The following PRKCE variants were observed in gnomAD, a reference collection of about 807,000 sequenced individuals.
PRKCE encodes the protein protein kinase C epsilon type.
Under a neutral mutation model 85.4 loss-of-function variants are expected in PRKCE, and 16 were observed. The observed-to-expected ratio is 0.19, with a 90% CI of 0.13 to 0.28. The LOEUF is 0.28. PRKCE is among the 10% of genes least tolerant of loss of function. PRKCE has a pLI of 1.00. For synonymous variants in PRKCE, 388 were observed against 371.5 expected (o/e 1.04, Z -0.51); for missense variants, 573 against 975.2 (o/e 0.59, Z 5.49).
chr2:46,136,535 T>G (rs1290449297), intron 11 of PRKCE, among the ~76,000 whole-genome samples: 3 of 152,160 alleles, frequency 2.0e-5, no homozygotes, highest in African/African-American at 7.2e-5. Context: ...CTCCCTAGCC[T>G]TGTTTACTCA....
chr2:46,105,882 A>T (rs1671668641), intron 11 of PRKCE, among the ~76,000 whole-genome samples: 1 of 152,122 alleles, frequency 6.6e-6, no homozygotes, highest in Admixed American at 6.5e-5. Flanking sequence ...ATTCATTTAC[A>T]TTTTTCATGA....
At position 45,984,165 on chromosome 2, in the gene PRKCE, T is replaced by C. The variant is rs112758495; in HGVS notation, c.694-386T>C. On this transcript the variant is annotated intron_variant, in intron 5 of 14. Transcript: ENST00000306156. ...GTTGGCCAGGCTGGTCTCGAACTCC[T>C]GACCTCAGGTGGTCCGCCTACCTCA... is the stretch of plus-strand genomic sequence containing the variant. Among the ~76,000 whole-genome samples, 1,413 of 152,200 alleles carry C rather than the reference T, an allele frequency of 9.3e-3. 28 individuals are homozygous for C. Among genetic ancestry groups the C allele is most frequent in the African/African-American group, 0.033 (1,351 of 41,522 alleles).
chr2:45,863,199 T>G (rs1267410975), intron 2 of PRKCE, among the ~76,000 whole-genome samples: 1 of 152,112 alleles, frequency 6.6e-6, no homozygotes, highest in Non-Finnish European at 1.5e-5. Context: ...GACCCTACTG[T>G]CTAGGGTCTA....
intron 1 of PRKCE, among the ~76,000 whole-genome samples, chr2:45,721,891 A>G (rs1179895207): frequency 6.6e-6 from 1 of 151,864 alleles, no homozygotes; most frequent in Non-Finnish European, 1.5e-5. Flanking sequence ...AAAAAAAAAA[A>G]AAAGAAACAT....
chr2:45,807,646 A>G (rs186409443), intron 1 of PRKCE, among the ~76,000 whole-genome samples: 2 of 152,276 alleles, frequency 1.3e-5, no homozygotes, highest in Admixed American at 1.3e-4. Flanking sequence ...CCCAACATTC[A>G]TGGCTAACAG....
chr2:45,890,569 G>C (rs372965556), intron 2 of PRKCE, among the ~76,000 whole-genome samples: 110 of 152,130 alleles, frequency 7.2e-4, no homozygotes, highest in African/African-American at 2.5e-3. Context: ...TAGTAGAGAT[G>C]GGATTTTCAC....
At chr2:45,885,531 T>G (rs1695231446) in intron 2 of PRKCE, among the ~76,000 whole-genome samples, 1 of 152,234 alleles carries the variant, frequency 6.6e-6, no homozygotes, top group East Asian at 1.9e-4. Flanking sequence ...AAAACAAGCC[T>G]GGACCACTTC....
chr2:46,111,229 C>T (rs1357240859), intron 11 of PRKCE, among the ~76,000 whole-genome samples: 1 of 152,208 alleles, frequency 6.6e-6, no homozygotes, highest in East Asian at 1.9e-4. Flanking sequence ...CTGTTCAGGT[C>T]AACTATATCC....
At chr2:45,998,167 A>G (rs536878160) in intron 6 of PRKCE, among the ~76,000 whole-genome samples, 19 of 151,798 alleles carry the variant, frequency 1.3e-4, no homozygotes, top group African/African-American at 4.6e-4. Flanking sequence ...TATTCAGTTG[A>G]TTAATGTTGC....
chr2:45,896,623 C>A (rs527781083), intron 2 of PRKCE, among the ~76,000 whole-genome samples: 1 of 152,176 alleles, frequency 6.6e-6, no homozygotes, highest in African/African-American at 2.4e-5. Context: ...AGTCACTATA[C>A]CTCTTATCAA....
chr2:46,073,020 C>T (rs1485268868), intron 10 of PRKCE, among the ~76,000 whole-genome samples: 1 of 152,138 alleles, frequency 6.6e-6, no homozygotes, highest in African/African-American at 2.4e-5. Flanking sequence ...TTCCCAGGGC[C>T]CACCCCAGAA....
intron 14 of PRKCE, among the ~76,000 whole-genome samples, chr2:46,169,012 T>A (rs1161235276): frequency 3.3e-5 from 5 of 152,182 alleles, no homozygotes; most frequent in African/African-American, 1.2e-4. Context: ...AGACAGAGCC[T>A]CAACCCTCCC....
intron 1 of PRKCE, among the ~76,000 whole-genome samples, chr2:45,817,272 C>T (rs1203115536): frequency 6.6e-6 from 1 of 152,144 alleles, no homozygotes; most frequent in Non-Finnish European, 1.5e-5. Flanking sequence ...TACCAACTTT[C>T]AAATATCTTA....
chr2:45,704,363 C>A (rs1168734074), intron 1 of PRKCE, among the ~76,000 whole-genome samples: 3 of 152,190 alleles, frequency 2.0e-5, no homozygotes, highest in African/African-American at 4.8e-5. Context: ...CTCTATGTCC[C>A]TGTCCAGGGA....
chr2:45,984,792 T>G (rs1703177579), intron 6 of PRKCE, 112 bp downstream of exon 6: 2 of 1,449,714 alleles, frequency 1.4e-6, no homozygotes, highest in Non-Finnish European at 1.8e-6. Flanking sequence ...GGCCAAGAAC[T>G]GAGTGCAAGC....
chr2:46,042,323 T>G (rs1443322040), intron 10 of PRKCE, among the ~76,000 whole-genome samples: 1 of 152,244 alleles, frequency 6.6e-6, no homozygotes, highest in Non-Finnish European at 1.5e-5. Context: ...TTGCCACTTT[T>G]TATTCTTGTT....
intron 2 of PRKCE, among the ~76,000 whole-genome samples, chr2:45,892,025 T>C (rs1695759339): frequency 6.6e-6 from 1 of 152,264 alleles, no homozygotes; most frequent in South Asian, 2.1e-4. Context: ...CCTGCTTACC[T>C]TGGCCCTGCT....
chr2:45,888,295 G>A (rs963827322), intron 2 of PRKCE, among the ~76,000 whole-genome samples: 7 of 152,048 alleles, frequency 4.6e-5, no homozygotes, highest in African/African-American at 7.2e-5. Context: ...GTATTATTTG[G>A]GGAAACAATA....
Position 46,004,777 on chromosome 2 carries a change from C to A in PRKCE, c.1063+139C>A. 1 of 691,150 alleles carries A rather than the reference C, an allele frequency of 1.4e-6. No individual in the cohort carries two copies. The highest frequency in any genetic ancestry group is 2.5e-6 in the Non-Finnish European group (1 of 408,098). The allele number at this position is 691,150 out of a possible 1,614,324, so 42.8% of individuals were successfully genotyped here. On this transcript the variant is annotated intron_variant, in intron 8 of 14. Coordinates refer to ENST00000306156, the MANE Select transcript of PRKCE (RefSeq NM_005400.3). The surrounding 1 kb of genome is among the most constrained non-coding windows in gnomAD (Gnocchi z 4.1). ...CTGGTGGGTTTTCACACACCCGTTG[C>A]CTGTTGATTTAACAGTTCTTTCATT... is the stretch of plus-strand genomic sequence containing the variant.
Sources: allele counts gnomAD v4.1 joint callset (sites outside exome capture counted in the v4.1 genomes callset), GRCh38; gene constraint gnomAD v4.1.1; non-coding constraint Gnocchi (gnomAD v3.1); transcripts MANE v1.5; gene names NCBI Gene and HGNC (gene_info 2026-07-23, HGNC 2026-07-21).